Variants in MAGI3 observed in about 807,000 individuals in gnomAD.
MAGI3 encodes membrane-associated guanylate kinase, WW and PDZ domain-containing protein 3.
In MAGI3, 43 loss-of-function variants were observed where a neutral mutation model predicts 121.8. That is an observed-to-expected ratio of 0.35 (90% confidence interval 0.28 to 0.46). The LOEUF (loss-of-function observed/expected upper bound fraction) is 0.46. MAGI3 is among the 20% of genes least tolerant of loss of function. MAGI3 has a pLI of 1.00. For missense variants in MAGI3, 1,547 were observed against 1,797.3 expected, an observed-to-expected ratio of 0.86 and a Z score of 2.52; for synonymous variants, 553 against 639.3, an observed-to-expected ratio of 0.86 and a Z score of 2.04.
rs771362682 is a variant in MAGI3, at chr1:113,590,628, A to G, written c.908A>G (p.Tyr303Cys). The G allele has an allele frequency of 5.6e-6, 9 of 1,613,756 alleles. No homozygotes were observed. Among genetic ancestry groups the G allele is most frequent in the Middle Eastern group, 1.7e-4 (1 of 6,056 alleles). ...CTGCCCAAAAACTGGGAAATGGCCTACACTGACACAGGGATGATCTACTTC... is the reference window on the plus strand; with the variant it reads ...CTGCCCAAAAACTGGGAAATGGCCTGCACTGACACAGGGATGATCTACTTC... The part of the protein sequence containing the change: ...EPLPKNWEMA[Y>C]TDTGMIYFID... The change falls in exon 5 of 21, where the codon TAC becomes TGC. Residue 303 changes from tyrosine to cysteine, a missense_variant. Coordinates refer to ENST00000307546, the MANE Select transcript of MAGI3 (RefSeq NM_001142782.2).
intron 1 of MAGI3, among the ~76,000 whole-genome samples, chr1:113,482,838 C>T (rs1484630439): frequency 3.3e-5 from 5 of 151,398 alleles, no homozygotes; most frequent in African/African-American, 9.7e-5. Flanking sequence ...CAGGATCTCT[C>T]TCTGTTGCCC....
At position 113,646,653 on chromosome 1, in the gene MAGI3, G is replaced by T. The variant is rs1257422144; in HGVS notation, c.2155+11G>T. On this transcript the variant is annotated intron_variant, in intron 12 of 20. Coordinates refer to ENST00000307546, the MANE Select transcript of MAGI3 (RefSeq NM_001142782.2). The stretch of plus-strand genomic sequence containing the variant: ...TATATGAAGATAAACGTAAGTAGTT[G>T]TGGAATATTTCAGGAGAGCATATAA... 3 of 1,575,362 alleles carry T rather than the reference G, an allele frequency of 1.9e-6. No homozygotes were observed. Among genetic ancestry groups the T allele is most frequent in the Non-Finnish European group, 2.6e-6 (3 of 1,160,126 alleles).
Position 113,684,176 on chromosome 1 carries a change from T to TAAG in MAGI3, c.*165_*167dup. Reference sequence around the variant, plus strand: ...CTGCATGAAGGGCCTTTAGGATTGCTAAGAACCAACTGTCCCCCTGGCCGG... The same window carrying TAAG: ...CTGCATGAAGGGCCTTTAGGATTGCTAAGAAGAACCAACTGTCCCCCTGGCCGG... On this transcript the variant is annotated 3_prime_UTR_variant, in exon 21 of 21. Coordinates refer to ENST00000307546, the MANE Select transcript of MAGI3 (RefSeq NM_001142782.2). 1.3e-6 allele frequency: 1 copy of TAAG among 778,896 alleles called. No homozygotes were observed. The highest frequency in any genetic ancestry group is 1.9e-6 in the Non-Finnish European group (1 of 530,884). 48.2% of individuals were successfully genotyped at this position (778,896 alleles called of 1,614,324 possible).
At chr1:113,535,226 G>T (rs1433730256) in intron 1 of MAGI3, among the ~76,000 whole-genome samples, 1 of 151,482 alleles carries the variant, frequency 6.6e-6, no homozygotes, top group African/African-American at 2.4e-5. Context: ...TAATTCTTAA[G>T]CACTTAAAAG....
intron 1 of MAGI3, among the ~76,000 whole-genome samples, chr1:113,513,155 T>C (rs1159226435): frequency 1.3e-5 from 2 of 152,232 alleles, no homozygotes; most frequent in East Asian, 1.9e-4. Context: ...GAACATTCCA[T>C]GCTCATGGGT....
intron 1 of MAGI3, among the ~76,000 whole-genome samples, chr1:113,544,192 C>T (rs1379293133): frequency 1.3e-5 from 2 of 152,174 alleles, no homozygotes; most frequent in South Asian, 2.1e-4. Flanking sequence ...TGGCATTAGG[C>T]TAATCTTACC....
At chr1:113,651,349 GAAGGCTATGC>G in intron 14 of MAGI3, 143 bp downstream of exon 14, 1 of 680,290 alleles carries the variant, frequency 1.5e-6, no homozygotes, top group Non-Finnish European at 2.3e-6. Flanking sequence ...CCTCACTGTG[GAAGGCTATGC>G]AAACACAAAA....
intron 1 of MAGI3, among the ~76,000 whole-genome samples, chr1:113,496,323 A>G (rs554478335): frequency 1.3e-5 from 2 of 152,292 alleles, no homozygotes; most frequent in South Asian, 2.1e-4. Flanking sequence ...TCTGTCTCCA[A>G]AAAGTTAGCT....
At chr1:113,682,473 T>A in intron 20 of MAGI3, 1 of 1,345,590 alleles carries the variant, frequency 7.4e-7, no homozygotes, top group Non-Finnish European at 9.5e-7. Flanking sequence ...AGCCTCATTC[T>A]GGTTACCACA....
chr1:113,418,136 T>C (rs1266493984), intron 1 of MAGI3, among the ~76,000 whole-genome samples: 1 of 152,174 alleles, frequency 6.6e-6, no homozygotes, highest in Non-Finnish European at 1.5e-5. Flanking sequence ...ATTTTTCTCT[T>C]ATTCAGAAAG....
intron 6 of MAGI3, among the ~76,000 whole-genome samples, chr1:113,607,892 A>G (rs1649881713): frequency 6.6e-6 from 1 of 152,186 alleles, no homozygotes; most frequent in African/African-American, 2.4e-5. Flanking sequence ...AAGTATTCTC[A>G]TGTCATAAAT....
intron 1 of MAGI3, among the ~76,000 whole-genome samples, chr1:113,437,857 CT>C (rs1557757020): frequency 0.043 from 2,070 of 47,706 alleles, 125 homozygotes; most frequent in Middle Eastern, 0.057. Flanking sequence ...TCTTCTTCTT[CT>C]TCTTCCTCTT....
chr1:113,450,937 G>A (rs1319716057), intron 1 of MAGI3, among the ~76,000 whole-genome samples: 1 of 152,160 alleles, frequency 6.6e-6, no homozygotes, highest in Non-Finnish European at 1.5e-5. Flanking sequence ...CATAGCCACA[G>A]TTTGCAAAAA....
In MAGI3 at chr1:113,391,358, G is replaced by A. The variant is rs556067817; in HGVS notation, c.316+9G>A. 9.3e-5 allele frequency: 147 copies of A among 1,583,106 alleles called. No individual in the cohort carries two copies. The Admixed American group carries it at 2.6e-3, about 27-fold the overall frequency. ...CAAGACTGTGAAACCAGGTACGCCGGCCCTGCGTATCTGTCTCGGGGTGTT... is the reference window on the plus strand; with the variant it reads ...CAAGACTGTGAAACCAGGTACGCCGACCCTGCGTATCTGTCTCGGGGTGTT... On this transcript the variant is annotated intron_variant, in intron 1 of 20. Coordinates refer to ENST00000307546, the MANE Select transcript of MAGI3 (RefSeq NM_001142782.2). The surrounding 1 kb of genome is among the most constrained non-coding windows in gnomAD (Gnocchi z 4.4).
In MAGI3 at chr1:113,623,453, T is replaced by TACACACACACACACACACACACACAC. The variant is rs796174057; in HGVS notation, c.1360+469_1360+494dup. On this transcript the variant is annotated intron_variant, in intron 9 of 20. Coordinates refer to ENST00000307546, the MANE Select transcript of MAGI3 (RefSeq NM_001142782.2). ...TAATACACATATATATACACACACA[T>TACACACACACACACACACACACACAC]ACACACACACACACACACACACACA... is the stretch of plus-strand genomic sequence containing the variant. 1.5e-3 allele frequency among the ~76,000 whole-genome samples: 193 copies of TACACACACACACACACACACACACAC among 126,068 alleles called. 4 individuals are homozygous for TACACACACACACACACACACACACAC. The highest frequency in any genetic ancestry group is 5.3e-3 in the African/African-American group (166 of 31,538). 82.7% of individuals were successfully genotyped at this position (126,068 alleles called of 152,430 possible). A position where few individuals can be genotyped will look rare whatever the true frequency, so the allele number is the denominator to read the frequency against.
intron 1 of MAGI3, among the ~76,000 whole-genome samples, chr1:113,432,339 C>T (rs967376979): frequency 6.6e-6 from 1 of 152,124 alleles, no homozygotes; most frequent in African/African-American, 2.4e-5. Flanking sequence ...CTGAGGCAAG[C>T]ACAGAGAAGT....
chr1:113,545,083 GTT>G (rs71962960), intron 1 of MAGI3, among the ~76,000 whole-genome samples: 7 of 143,276 alleles, frequency 4.9e-5, no homozygotes, highest in Admixed American at 1.4e-4. Context: ...GTTTTGTTTT[GTT>G]TTTTTTTTAC....
At chr1:113,564,709 C>T (rs895269228) in intron 2 of MAGI3, among the ~76,000 whole-genome samples, 4 of 151,646 alleles carry the variant, frequency 2.6e-5, no homozygotes, top group African/African-American at 4.8e-5. Flanking sequence ...ACCTCTAAAA[C>T]AAATGAATGA....
intron 9 of MAGI3, among the ~76,000 whole-genome samples, chr1:113,640,761 A>G (rs931796768): frequency 7.1e-4 from 108 of 151,620 alleles, no homozygotes; most frequent in African/African-American, 2.4e-3. Context: ...GCATTAGGAC[A>G]AATAACTAAT....
Sources: allele counts gnomAD v4.1 joint callset (sites outside exome capture counted in the v4.1 genomes callset), GRCh38; gene constraint gnomAD v4.1.1; non-coding constraint Gnocchi (gnomAD v3.1); transcripts MANE v1.5; gene names NCBI Gene and HGNC (gene_info 2026-07-23, HGNC 2026-07-21).